PACRG: variants seen among roughly 807,000 people sequenced by gnomAD.
PACRG encodes parkin coregulated gene protein.
Under a neutral mutation model 29.7 loss-of-function variants are expected in PACRG, and 29 were observed. The observed-to-expected ratio is 0.98, with a 90% CI of 0.73 to 1.33. The LOEUF (loss-of-function observed/expected upper bound fraction) is 1.33, where lower values mean the gene tolerates loss of function less well. Ranked by LOEUF, PACRG falls within the 40% of genes most tolerant of loss-of-function variation. PACRG has a pLI of 0.00. For missense variants in PACRG, 279 were observed against 316.2 expected (o/e 0.88, Z 0.89); for synonymous variants, 116 against 118.7 (o/e 0.98, Z 0.15).
At chr6:162,814,372 C>A (rs901302093) in intron 2 of PACRG, 91 bp downstream of exon 2, 69 of 1,494,206 alleles carry the variant, frequency 4.6e-5, no homozygotes, top group Non-Finnish European at 6.2e-5. Flanking sequence ...AGTAAATAAA[C>A]TGGAGTCATT....
intron 1 of PACRG, among the ~76,000 whole-genome samples, chr6:162,781,747 C>T (rs949494657): frequency 1.3e-4 from 20 of 150,444 alleles, no homozygotes; most frequent in African/African-American, 3.4e-4. Flanking sequence ...AAGTGAACCG[C>T]GAAAATAACC....
At chr6:163,113,842 C>T (rs1288627752) in intron 4 of PACRG, among the ~76,000 whole-genome samples, 1 of 152,056 alleles carries the variant, frequency 6.6e-6, no homozygotes, top group Non-Finnish European at 1.5e-5. Flanking sequence ...AATACATGAG[C>T]AATTATAGAA....
chr6:162,967,581 A>AG (rs1299088028), intron 2 of PACRG, among the ~76,000 whole-genome samples: 2 of 150,004 alleles, frequency 1.3e-5, no homozygotes, highest in African/African-American at 4.9e-5. Flanking sequence ...ATCTCGGCTC[A>AG]CTGCAAGCTC....
At chr6:162,836,450 T>G (rs932250422) in intron 2 of PACRG, among the ~76,000 whole-genome samples, 1 of 152,108 alleles carries the variant, frequency 6.6e-6, no homozygotes, top group East Asian at 1.9e-4. Flanking sequence ...ATCTGAACAC[T>G]TCCCTTTCTT....
intron 1 of PACRG, 117 bp downstream of exon 1, chr6:162,728,508 A>G: frequency 7.8e-7 from 1 of 1,285,212 alleles, no homozygotes; most frequent in Non-Finnish European, 1.1e-6. Flanking sequence ...CTTTGCCAAA[A>G]AAGGCAGTTA....
At chr6:163,091,216 A>G (rs1183727630) in intron 4 of PACRG, among the ~76,000 whole-genome samples, 4 of 152,228 alleles carry the variant, frequency 2.6e-5, no homozygotes, top group African/African-American at 9.6e-5. Flanking sequence ...TCCTCAAGGA[A>G]ATCTATAAAG....
At chr6:162,828,617 A>C (rs974970517) in intron 2 of PACRG, among the ~76,000 whole-genome samples, 6 of 152,226 alleles carry the variant, frequency 3.9e-5, no homozygotes, top group African/African-American at 1.4e-4. Context: ...AGTATGAAGC[A>C]AAATAAAGCA....
At chr6:162,821,732 A>G (rs1246466080) in intron 2 of PACRG, among the ~76,000 whole-genome samples, 4 of 152,208 alleles carry the variant, frequency 2.6e-5, no homozygotes, top group Non-Finnish European at 5.9e-5. Flanking sequence ...TTGGTCTTTG[A>G]TGAATTTTCT....
chr6:163,062,119 C>T, intron 2 of PACRG, 31 bp from the exon 3 acceptor site: 6 of 1,609,316 alleles, frequency 3.7e-6, no homozygotes, highest in Non-Finnish European at 5.1e-6. Context: ...ATGCTGTTTT[C>T]ACATGGCGTC....
chr6:162,994,873 T>C lies in PACRG; in HGVS notation c.292-67277T>C, dbSNP rs1584960071. 2.7e-5 allele frequency among the ~76,000 whole-genome samples: 4 copies of C among 150,274 alleles called. No individual in the cohort carries two copies. The South Asian group carries it at 8.4e-4, about 32-fold the overall frequency. On this transcript the variant is annotated intron_variant, in intron 2 of 4. Coordinates refer to ENST00000366888, the MANE Select transcript of PACRG (RefSeq NM_001080379.2). Reference sequence around the variant, plus strand: ...TGTTTTTTCCCCATCTTTGTGGTTTTATCTACTTTTGGTCTTTGATGATGG... The same window carrying C: ...TGTTTTTTCCCCATCTTTGTGGTTTCATCTACTTTTGGTCTTTGATGATGG...
At chr6:162,896,775 T>C (rs1228559211) in intron 2 of PACRG, among the ~76,000 whole-genome samples, 1 of 152,246 alleles carries the variant, frequency 6.6e-6, no homozygotes, top group African/African-American at 2.4e-5. Flanking sequence ...TTTAATATAT[T>C]GGAACAGGTC....
At chr6:162,735,009 G>C (rs1780057225) in intron 1 of PACRG, among the ~76,000 whole-genome samples, 1 of 152,174 alleles carries the variant, frequency 6.6e-6, no homozygotes, top group Non-Finnish European at 1.5e-5. Context: ...TTTGTGTCCA[G>C]TTTCTTTCAT....
At chr6:162,879,090 G>T (rs1488120047) in intron 2 of PACRG, among the ~76,000 whole-genome samples, 1 of 152,100 alleles carries the variant, frequency 6.6e-6, no homozygotes, top group South Asian at 2.1e-4. Context: ...AAGCTTCTCA[G>T]TTTATATGAT....
chr6:163,271,660 G>A (rs1345184659), intron 4 of PACRG, among the ~76,000 whole-genome samples: 1 of 152,170 alleles, frequency 6.6e-6, no homozygotes, highest in Non-Finnish European at 1.5e-5. Context: ...TTAAATTCCT[G>A]TATGTATGTT....
intron 2 of PACRG, among the ~76,000 whole-genome samples, chr6:162,841,489 TTTC>T (rs1392947441): frequency 6.6e-6 from 1 of 152,148 alleles, no homozygotes; most frequent in Non-Finnish European, 1.5e-5. Context: ...TCTCTCTTTT[TTTC>T]TTTATTAGTC....
In PACRG at chr6:162,773,012, G is replaced by A. The variant is rs114314426; in HGVS notation, c.157-41135G>A. Among the ~76,000 whole-genome samples the A allele has an allele frequency of 2.9e-3, 439 of 151,190 alleles. 1 individual carries two copies. The highest frequency in any genetic ancestry group is 0.01 in the African/African-American group (430 of 41,524). ...GAGACTATTGGTTTCTAAAGACTGA[G>A]AGATGAAGAATGGATTTAGAATCAC... On this transcript the variant is annotated intron_variant, in intron 1 of 4. Transcript: ENST00000366888.
chr6:163,235,797 A>G (rs1045641549), intron 4 of PACRG, among the ~76,000 whole-genome samples: 4 of 152,162 alleles, frequency 2.6e-5, no homozygotes, highest in African/African-American at 9.7e-5. Flanking sequence ...TAACAAGTAC[A>G]GTTCTCTTTT....
At chr6:162,914,508 G>GTGTTTTTTTTTCTTTTT in intron 2 of PACRG, among the ~76,000 whole-genome samples, 1 of 95,098 alleles carries the variant, frequency 1.1e-5, no homozygotes, top group Non-Finnish European at 2.1e-5. Flanking sequence ...GTACTTTTTT[G>GTGTTTTTTTTTCTTTTT]TTTTTTTTTT....
chr6:163,249,569 G>A (rs779722931), intron 4 of PACRG, among the ~76,000 whole-genome samples: 7 of 152,150 alleles, frequency 4.6e-5, no homozygotes, highest in African/African-American at 1.2e-4. Flanking sequence ...CAACTCTCTC[G>A]CCTCCTGTGC....
Sources: gnomAD v4.1 joint callset for allele counts (sites outside exome capture counted in the v4.1 genomes callset) on GRCh38, gnomAD v4.1.1 for gene constraint, MANE v1.5 for transcripts, NCBI Gene and HGNC (gene_info 2026-07-23, HGNC 2026-07-21) for gene names.